Variants in MORC1 observed in about 807,000 individuals in gnomAD.
The protein encoded by MORC1 is MORC family CW-type zinc finger protein 1.
MORC1 carries 59 observed loss-of-function variants against 134.9 expected under a neutral mutation model. The observed-to-expected ratio is 0.44, with a 90% CI of 0.35 to 0.54. The LOEUF (loss-of-function observed/expected upper bound fraction) is 0.54. MORC1 is among the 20% of genes least tolerant of loss of function. The pLI is 0.00. For missense variants in MORC1, 947 were observed against 1,134.5 expected (o/e 0.83, Z 2.37); for synonymous variants, 395 against 391.7 (o/e 1.01, Z -0.10).
intron 9 of MORC1, 120 bp downstream of exon 9, chr3:109,069,510 ATT>A: frequency 1.0e-6 from 1 of 1,001,964 alleles, no homozygotes; most frequent in Non-Finnish European, 1.4e-6. Context: ...TGTGGTTTAA[ATT>A]TTGTTTACAA....
Position 108,979,547 on chromosome 3 carries a change from C to T in MORC1, c.2445G>A (p.Lys815=). 1 of 1,613,986 alleles carries T rather than the reference C, an allele frequency of 6.2e-7. No homozygotes were observed. Among genetic ancestry groups the T allele is most frequent in the Non-Finnish European group, 8.5e-7 (1 of 1,179,936 alleles). The change falls in exon 24 of 28, where the codon AAG becomes AAA. Residue 815 remains lysine, a synonymous_variant. Transcript: ENST00000232603. Reference sequence around the variant, plus strand: ...TAGACTTCAGTTTTCTCACTGTTTCCTTGACAGGTGTGCTTTGAGAAGACG... The same window carrying T: ...TAGACTTCAGTTTTCTCACTGTTTCTTTGACAGGTGTGCTTTGAGAAGACG... ...SPASSQSTPV[K]ETVRKLKSKL...
chr3:108,958,842 T>C lies in MORC1; in HGVS notation c.*123A>G. The stretch of plus-strand genomic sequence containing the variant: ...CAATTTTCTTATTTGAAAAAAATTA[T>C]TTCTTATTTCTTATTGTTAAACAGA... On this transcript the variant is annotated 3_prime_UTR_variant, in exon 28 of 28. Transcript: ENST00000232603. 1 of 594,560 alleles carries C rather than the reference T, an allele frequency of 1.7e-6. No homozygotes were observed. 36.8% of individuals were successfully genotyped at this position (594,560 alleles called of 1,614,324 possible). A position where few individuals can be genotyped will look rare whatever the true frequency, so the allele number is the denominator to read the frequency against.
At chr3:109,075,645 T>C (rs1047436514) in intron 8 of MORC1, among the ~76,000 whole-genome samples, 1 of 152,172 alleles carries the variant, frequency 6.6e-6, no homozygotes, top group Non-Finnish European at 1.5e-5. Flanking sequence ...TCTGTTCTGT[T>C]CCACTGGTCT....
At chr3:109,109,865 C>G (rs977265119) in intron 3 of MORC1, 45 of 152,406 alleles carry the variant, frequency 3.0e-4, no homozygotes, top group African/African-American at 1.0e-3. Context: ...TCCACGTGAT[C>G]CCGGGGTCTG....
At chr3:109,081,979 AGGAAACTACTGTCCTCAGCCCT>A (rs1014949962) in intron 8 of MORC1, among the ~76,000 whole-genome samples, 1 of 152,120 alleles carries the variant, frequency 6.6e-6, no homozygotes, top group Non-Finnish European at 1.5e-5. Context: ...TGAGGACAGT[AGGAAACTACTGTCCTCAGCCCT>A]GGAAACTGTG....
intron 17 of MORC1, among the ~76,000 whole-genome samples, chr3:109,019,470 T>C (rs1172495046): frequency 3.3e-5 from 5 of 152,252 alleles, no homozygotes; most frequent in South Asian, 2.1e-4. Flanking sequence ...CAGAGTCGTT[T>C]GAACAGCTTT....
chr3:108,988,345 A>T (rs1253636323), intron 21 of MORC1, among the ~76,000 whole-genome samples: 1 of 152,200 alleles, frequency 6.6e-6, no homozygotes. Context: ...ATTTCAAAAA[A>T]TTTTTGTACT....
chr3:109,117,602 G>A (rs1225674351), intron 1 of MORC1, among the ~76,000 whole-genome samples: 1 of 152,180 alleles, frequency 6.6e-6, no homozygotes, highest in African/African-American at 2.4e-5. Context: ...AGACTCAGGA[G>A]GCCATAGAGT....
At chr3:109,047,606 G>A (rs184900418) in intron 14 of MORC1, among the ~76,000 whole-genome samples, 14 of 151,930 alleles carry the variant, frequency 9.2e-5, no homozygotes, top group African/African-American at 3.4e-4. Context: ...TTATTTGCTG[G>A]GAGCTGACAT....
At chr3:109,059,953 G>A in intron 11 of MORC1, 83 bp from the exon 12 acceptor site, 1 of 1,156,728 alleles carries the variant, frequency 8.6e-7, no homozygotes, top group East Asian at 2.4e-5. Flanking sequence ...TTATCCAAAT[G>A]TTTCAAGGGT....
chr3:108,970,030 T>C (rs1947333799), intron 25 of MORC1, among the ~76,000 whole-genome samples: 2 of 152,044 alleles, frequency 1.3e-5, no homozygotes, highest in Admixed American at 1.3e-4. Flanking sequence ...CAAAGGGAGA[T>C]GTCGAGAGCG....
intron 18 of MORC1, among the ~76,000 whole-genome samples, chr3:109,006,044 A>G (rs1398865428): frequency 6.6e-6 from 1 of 152,208 alleles, no homozygotes; most frequent in Admixed American, 6.5e-5. Flanking sequence ...CAATGTTATT[A>G]TTACAGAGGA....
At chr3:109,072,264 C>G (rs1950335267) in intron 8 of MORC1, among the ~76,000 whole-genome samples, 1 of 152,200 alleles carries the variant, frequency 6.6e-6, no homozygotes, top group African/African-American at 2.4e-5. Flanking sequence ...GCCATGCAAT[C>G]AGGCTTTCTT....
intron 17 of MORC1, among the ~76,000 whole-genome samples, chr3:109,025,597 G>A (rs1016338764): frequency 2.0e-5 from 3 of 151,486 alleles, no homozygotes; most frequent in African/African-American, 7.3e-5. Context: ...TGGCCAGGCT[G>A]GTCTCAAACT....
At chr3:108,988,963 A>C (rs1302623095) in intron 21 of MORC1, among the ~76,000 whole-genome samples, 1 of 152,110 alleles carries the variant, frequency 6.6e-6, no homozygotes, top group African/African-American at 2.4e-5. Flanking sequence ...ATAACATGAA[A>C]AATTTCTTTT....
intron 9 of MORC1, among the ~76,000 whole-genome samples, chr3:109,065,356 T>C (rs1950173370): frequency 6.6e-6 from 1 of 152,192 alleles, no homozygotes; most frequent in South Asian, 2.1e-4. Flanking sequence ...CTTTGATTCC[T>C]GTCTTTGCAC....
chr3:109,062,880 A>G (rs1481332260), intron 10 of MORC1, among the ~76,000 whole-genome samples: 1 of 152,170 alleles, frequency 6.6e-6, no homozygotes, highest in African/African-American at 2.4e-5. Flanking sequence ...GTGAGCCACC[A>G]TGCCCAGACA....
chr3:109,044,287 A>G (rs1238018989), intron 14 of MORC1, among the ~76,000 whole-genome samples: 1 of 152,174 alleles, frequency 6.6e-6, no homozygotes, highest in Non-Finnish European at 1.5e-5. Flanking sequence ...GGGAAAAAAA[A>G]AAGGGAAATA....
At chr3:109,055,747 TC>T (rs1403097340) in intron 13 of MORC1, among the ~76,000 whole-genome samples, 1 of 152,116 alleles carries the variant, frequency 6.6e-6, no homozygotes, top group Admixed American at 6.6e-5. Context: ...AAATACAGGT[TC>T]CCCCTGGCTT....
Sources: gnomAD v4.1 joint callset for allele counts (sites outside exome capture counted in the v4.1 genomes callset) on GRCh38, gnomAD v4.1.1 for gene constraint, MANE v1.5 for transcripts, NCBI Gene and HGNC (gene_info 2026-07-23, HGNC 2026-07-21) for gene names.